TMEM236: variants seen among roughly 807,000 people sequenced by gnomAD.
The protein encoded by TMEM236 is family with sequence similarity 23, member A.
A neutral mutation model predicts 14.7 loss-of-function variants in TMEM236; 11 were observed. That is an observed-to-expected ratio of 0.75 (90% confidence interval 0.47 to 1.24). TMEM236 has a LOEUF of 1.24. Ranked by LOEUF, TMEM236 falls within the 50% of genes most tolerant of loss-of-function variation. TMEM236 has a pLI of 0.00. For synonymous variants in TMEM236, 182 were observed against 168.6 expected, an observed-to-expected ratio of 1.08 and a Z score of -0.62; for missense variants, 464 against 427.3, an observed-to-expected ratio of 1.09 and a Z score of -0.76.
At chr10:17,785,515 A>T (rs1340326528) in intron 3 of TMEM236, among the ~76,000 whole-genome samples, 2 of 152,236 alleles carry the variant, frequency 1.3e-5, no homozygotes, top group African/African-American at 4.8e-5. Flanking sequence ...ACTTTTACCA[A>T]ATAGCATGTA....
chr10:17,790,043 A>G (rs1837900628), intron 3 of TMEM236, among the ~76,000 whole-genome samples: 2 of 152,008 alleles, frequency 1.3e-5, no homozygotes, highest in Non-Finnish European at 2.9e-5. Flanking sequence ...AAAGAATAAA[A>G]CAAAAAAACA....
Position 17,771,321 on chromosome 10 carries a change from G to C in TMEM236, c.270G>C (p.Leu90=). 6.2e-7 allele frequency: 1 copy of C among 1,613,896 alleles called. No individual in the cohort carries two copies. Among genetic ancestry groups the C allele is most frequent in the South Asian group, 1.1e-5 (1 of 91,080 alleles). The change falls in exon 2 of 4, where the codon CTG becomes CTC. Residue 90 remains leucine (L), a synonymous_variant. Coordinates refer to ENST00000377495, the MANE Select transcript of TMEM236 (RefSeq NM_001098844.3). ...YRKIKGWRPV[L]MMCVVLTTLP... is the part of the protein sequence containing the mutation. ...TCTCCTTTGCTAGGAGACCTGTTCT[G>C]ATGATGTGTGTGGTCCTCACCACAC...
chr10:17,781,452 A>C (rs1554835413), intron 3 of TMEM236, among the ~76,000 whole-genome samples: 1 of 151,926 alleles, frequency 6.6e-6, no homozygotes, highest in Non-Finnish European at 1.5e-5. Flanking sequence ...AAAAATTTGC[A>C]TGCAGCCCGG....
At position 17,796,679 on chromosome 10, in the gene TMEM236, GTGC is replaced by G; in HGVS notation, c.*177_*179del. The stretch of plus-strand genomic sequence containing the variant: ...GTTTTTTTTTTTACATATACAAATG[GTGC>G]TAAATTTAAGTAAAGTAATATTCTT... On this transcript the variant is annotated 3_prime_UTR_variant, in exon 4 of 4. Transcript: ENST00000377495. The G allele has an allele frequency of 1.6e-6, 1 of 620,174 alleles. No individual in the cohort carries two copies. The allele number at this position is 620,174 out of a possible 1,614,324, so 38.4% of individuals were successfully genotyped here.
At chr10:17,792,921 G>T (rs1554836145) in intron 3 of TMEM236, among the ~76,000 whole-genome samples, 1 of 152,198 alleles carries the variant, frequency 6.6e-6, no homozygotes, top group African/African-American at 2.4e-5. Context: ...AAAGGGAATA[G>T]TATCAAATCC....
chr10:17,788,493 G>C (rs1240058658), intron 3 of TMEM236, among the ~76,000 whole-genome samples: 1 of 151,008 alleles, frequency 6.6e-6, no homozygotes, highest in Non-Finnish European at 1.5e-5. Flanking sequence ...GCTCACACCT[G>C]TAATCCCAGC....
Position 17,795,898 on chromosome 10 carries a change from G to A in TMEM236, c.473-23G>A, listed in dbSNP as rs1838003840. 3.1e-6 allele frequency: 5 copies of A among 1,610,984 alleles called. No homozygotes were observed. In the South Asian group the frequency reaches 3.3e-5, roughly 11 times the overall value. ...ATGGATACATTTTAAAAACTAAAATGTAAATAAATCTGTTAATTGCAGGTA... is the reference window on the plus strand; with the variant it reads ...ATGGATACATTTTAAAAACTAAAATATAAATAAATCTGTTAATTGCAGGTA... On this transcript the variant is annotated intron_variant, in intron 3 of 3. Coordinates refer to ENST00000377495, the MANE Select transcript of TMEM236 (RefSeq NM_001098844.3).
intron 3 of TMEM236, among the ~76,000 whole-genome samples, chr10:17,776,959 A>G (rs1261751831): frequency 1.3e-5 from 2 of 152,126 alleles, no homozygotes; most frequent in Non-Finnish European, 2.9e-5. Flanking sequence ...TTAATTGGCA[A>G]TATTTGTATG....
intron 3 of TMEM236, among the ~76,000 whole-genome samples, chr10:17,777,749 T>C (rs1468538572): frequency 6.6e-6 from 1 of 152,080 alleles, no homozygotes; most frequent in Admixed American, 6.5e-5. Flanking sequence ...TGTTTTTTTG[T>C]TTTGTTTTGT....
At chr10:17,755,322 C>T (rs1372635963) in intron 1 of TMEM236, among the ~76,000 whole-genome samples, 7 of 152,178 alleles carry the variant, frequency 4.6e-5, no homozygotes, top group South Asian at 4.1e-4. Context: ...TGCACATCCA[C>T]GCAAGGGCAG....
chr10:17,766,881 T>C (rs77804826), intron 1 of TMEM236, among the ~76,000 whole-genome samples: 74,039 of 151,782 alleles, frequency 0.49, 19,015 homozygotes, highest in African/African-American at 0.67. Flanking sequence ...CTTTGATGTT[T>C]CTTGGCTTGT....
At position 17,797,840 on chromosome 10, in the gene TMEM236, T is replaced by G. The variant is rs1720731848; in HGVS notation, c.*1336T>G. The G allele has an allele frequency of 6.6e-6, 1 of 152,130 alleles. No homozygotes were observed. The highest frequency in any genetic ancestry group is 1.5e-5 in the Non-Finnish European group (1 of 68,072). 9.4% of individuals were successfully genotyped at this position (152,130 alleles called of 1,614,324 possible). ...TACATCAGTAATACCAAGATAAAGT[T>G]TCATAATAAAAAGCCATAAAGTGAA... On this transcript the variant is annotated 3_prime_UTR_variant, in exon 4 of 4. Coordinates refer to ENST00000377495, the MANE Select transcript of TMEM236 (RefSeq NM_001098844.3).
At chr10:17,771,532 C>T (rs1269978711) in intron 2 of TMEM236, 151 bp downstream of exon 2, 5 of 769,012 alleles carry the variant, frequency 6.5e-6, no homozygotes, top group East Asian at 2.6e-5. Context: ...ATTTAAAGTA[C>T]TGAGATCATT....
intron 1 of TMEM236, among the ~76,000 whole-genome samples, chr10:17,754,164 A>G (rs987908998): frequency 2.6e-5 from 4 of 152,188 alleles, no homozygotes; most frequent in Non-Finnish European, 5.9e-5. Flanking sequence ...AGCTTACACA[A>G]CTCATAATCA....
Position 17,752,400 on chromosome 10 carries a change from C to G in TMEM236, c.105C>G (p.Tyr35Ter), listed in dbSNP as rs1837222343. ...TCACAGAACAGTTTGCCACCGCCTACCAAGGAACAAGGGCTAGATCTGACA... is the reference window on the plus strand; with the variant it reads ...TCACAGAACAGTTTGCCACCGCCTAGCAAGGAACAAGGGCTAGATCTGACA... ...LVITEQFATA[Y>*]QGTRARSDNT... The change falls in exon 1 of 4, where the codon TAC becomes TAG. Residue 35 changes from tyrosine (Y) to a stop codon, truncating the protein, a stop_gained. Coordinates refer to ENST00000377495, the MANE Select transcript of TMEM236 (RefSeq NM_001098844.3). LOFTEE classifies it high-confidence loss of function. 14 of 1,613,806 alleles carry G rather than the reference C, an allele frequency of 8.7e-6. No individual in the cohort carries two copies. The highest frequency in any genetic ancestry group is 1.1e-5 in the Non-Finnish European group (13 of 1,179,876).
chr10:17,796,561 C>A lies in TMEM236; in HGVS notation c.*57C>A. 6.9e-7 allele frequency: 1 copy of A among 1,453,002 alleles called. No homozygotes were observed. Among genetic ancestry groups the A allele is most frequent in the Non-Finnish European group, 9.7e-7 (1 of 1,036,114 alleles). The allele number at this position is 1,453,002 out of a possible 1,614,324, so 90.0% of individuals were successfully genotyped here. A position where few individuals can be genotyped will look rare whatever the true frequency, so the allele number is the denominator to read the frequency against. On this transcript the variant is annotated 3_prime_UTR_variant, in exon 4 of 4. Coordinates refer to ENST00000377495, the MANE Select transcript of TMEM236 (RefSeq NM_001098844.3). The stretch of plus-strand genomic sequence containing the variant: ...TGATACCTGTGTGCACATTTGTAAT[C>A]CTTCTTTTTTTCTTGGGGCGTAGGT...
intron 3 of TMEM236, among the ~76,000 whole-genome samples, chr10:17,776,374 C>T (rs1837659119): frequency 6.6e-6 from 1 of 152,132 alleles, no homozygotes; most frequent in African/African-American, 2.4e-5. Flanking sequence ...TTGCTATTCG[C>T]ATTTTAGTAG....
At chr10:17,790,050 A>G (rs1837901281) in intron 3 of TMEM236, among the ~76,000 whole-genome samples, 1 of 151,764 alleles carries the variant, frequency 6.6e-6, no homozygotes, top group Admixed American at 6.6e-5. Context: ...AAAACAAAAA[A>G]ACAAAAAACG....
chr10:17,764,881 G>A (rs2131744612), intron 1 of TMEM236, among the ~76,000 whole-genome samples: 1 of 135,480 alleles, frequency 7.4e-6, no homozygotes, highest in Admixed American at 8.7e-5. Flanking sequence ...CTCCCAGGCT[G>A]GAGTGCAGTG....
Sources: gnomAD v4.1 joint callset for allele counts (sites outside exome capture counted in the v4.1 genomes callset) on GRCh38, gnomAD v4.1.1 for gene constraint, MANE v1.5 for transcripts, NCBI Gene and HGNC (gene_info 2026-07-23, HGNC 2026-07-21) for gene names.